Variants in SGCD observed in about 807,000 individuals in gnomAD.
SGCD encodes delta-sarcoglycan.
A neutral mutation model predicts 36.6 loss-of-function variants in SGCD; 18 were observed. That is an observed-to-expected ratio of 0.49 (90% CI 0.34 to 0.73). The LOEUF is 0.73. Among genes scored for constraint, SGCD ranks in the 30% least tolerant of loss-of-function variants. The pLI is 0.01. For synonymous variants in SGCD, 133 were observed against 130.6 expected (o/e 1.02, Z -0.12); for missense variants, 387 against 346.7 (o/e 1.12, Z -0.92).
intron 3 of SGCD, among the ~76,000 whole-genome samples, chr5:156,440,409 A>G (rs578119695): frequency 2.1e-4 from 32 of 152,312 alleles, no homozygotes; most frequent in Non-Finnish European, 2.2e-4. Flanking sequence ...GCTATTATAA[A>G]TAATGCTGCG....
chr5:156,259,536 G>A (rs1765799686), intron 3 of SGCD, among the ~76,000 whole-genome samples: 1 of 151,404 alleles, frequency 6.6e-6, no homozygotes, highest in Admixed American at 6.6e-5. Flanking sequence ...ATATATTCTT[G>A]TTCATTTTTT....
intron 7 of SGCD, among the ~76,000 whole-genome samples, chr5:156,672,288 C>T (rs1753329434): frequency 6.6e-6 from 1 of 152,122 alleles, no homozygotes; most frequent in Non-Finnish European, 1.5e-5. Context: ...GCACTGTTAC[C>T]CTCAGCTGTC....
At chr5:155,864,176 T>C in the SGCD span, among the ~76,000 whole-genome samples, 2 of 152,092 alleles carry the variant, frequency 1.3e-5, no homozygotes, top group African/African-American at 4.8e-5. Flanking sequence ...AAAGGTCTGG[T>C]GTGTCAGGAG....
the SGCD span, among the ~76,000 whole-genome samples, chr5:155,763,024 T>C: frequency 4.6e-5 from 7 of 152,190 alleles, no homozygotes; most frequent in South Asian, 2.1e-4. Flanking sequence ...AAAGACAATA[T>C]GCTGAGAGCA....
chr5:156,460,280 A>G (rs917683446), intron 3 of SGCD, among the ~76,000 whole-genome samples: 2 of 152,174 alleles, frequency 1.3e-5, no homozygotes, highest in African/African-American at 2.4e-5. Flanking sequence ...GACCAAAACC[A>G]CATTAAGTCT....
intron 6 of SGCD, among the ~76,000 whole-genome samples, chr5:156,636,035 TA>T (rs372020082): frequency 2.5e-3 from 365 of 148,060 alleles, no homozygotes; most frequent in African/African-American, 6.9e-3. Context: ...TAAAGTGTAA[TA>T]AAAAAAAAAT....
At chr5:156,651,514 A>T (rs547350059) in intron 7 of SGCD, among the ~76,000 whole-genome samples, 1 of 152,264 alleles carries the variant, frequency 6.6e-6, no homozygotes, top group South Asian at 2.1e-4. Context: ...ATTCTTCTGC[A>T]TGTGATTAGC....
chr5:156,404,717 G>A (rs1413548351), intron 3 of SGCD, among the ~76,000 whole-genome samples: 2 of 152,070 alleles, frequency 1.3e-5, no homozygotes, highest in East Asian at 3.9e-4. Flanking sequence ...TGGGTTTGCT[G>A]TAACAACTGA....
the SGCD span, among the ~76,000 whole-genome samples, chr5:155,828,691 T>C: frequency 6.6e-6 from 1 of 151,786 alleles, no homozygotes; most frequent in Non-Finnish European, 1.5e-5. Context: ...TTTTTTTTTA[T>C]ATTTTATTTT....
intron 3 of SGCD, among the ~76,000 whole-genome samples, chr5:156,172,148 G>A (rs1389506818): frequency 6.6e-6 from 1 of 152,174 alleles, no homozygotes; most frequent in Non-Finnish European, 1.5e-5. Context: ...GCTGGGCATG[G>A]TGGCAGATGC....
At chr5:155,859,329 A>T in the SGCD span, among the ~76,000 whole-genome samples, 1 of 152,168 alleles carries the variant, frequency 6.6e-6, no homozygotes, top group East Asian at 1.9e-4. Context: ...GGCCTCCCAA[A>T]GTGCTGGGAT....
chr5:156,532,915 T>C (rs552752955), intron 4 of SGCD, among the ~76,000 whole-genome samples: 1 of 152,254 alleles, frequency 6.6e-6, no homozygotes, highest in African/African-American at 2.4e-5. Flanking sequence ...ATCACTTTGA[T>C]CTTCTATTTA....
At chr5:156,120,195 G>T (rs1285665977) in intron 2 of SGCD, among the ~76,000 whole-genome samples, 1 of 152,102 alleles carries the variant, frequency 6.6e-6, no homozygotes, top group Non-Finnish European at 1.5e-5. Context: ...AGTGGAATTT[G>T]GTGAATACTT....
intron 3 of SGCD, among the ~76,000 whole-genome samples, chr5:156,261,229 A>G (rs1765852725): frequency 6.6e-6 from 1 of 152,190 alleles, no homozygotes; most frequent in African/African-American, 2.4e-5. Flanking sequence ...TGTGGATGTG[A>G]AAATATTTTT....
intron 3 of SGCD, among the ~76,000 whole-genome samples, chr5:156,345,654 G>A (rs1031515779): frequency 2.0e-5 from 3 of 151,986 alleles, no homozygotes; most frequent in East Asian, 1.9e-4. Context: ...AGCAAGACCC[G>A]ATCTTTGCAA....
At chr5:156,133,552 A>G (rs938151566) in intron 3 of SGCD, among the ~76,000 whole-genome samples, 1 of 152,164 alleles carries the variant, frequency 6.6e-6, no homozygotes, top group African/African-American at 2.4e-5. Context: ...TGATCTTTGC[A>G]TTGGGCCCTT....
chr5:156,391,197 AG>A (rs1256861916), intron 3 of SGCD, among the ~76,000 whole-genome samples: 1 of 152,250 alleles, frequency 6.6e-6, no homozygotes, highest in Non-Finnish European at 1.5e-5. Flanking sequence ...ATTGCATCAC[AG>A]TTGCCTACTG....
At chr5:156,191,855 A>G (rs1403087608) in intron 3 of SGCD, among the ~76,000 whole-genome samples, 1 of 152,178 alleles carries the variant, frequency 6.6e-6, no homozygotes, top group African/African-American at 2.4e-5. Context: ...AGCAGCCACT[A>G]GAGAGGTTTG....
At chr5:155,742,973 A>G in the SGCD span, among the ~76,000 whole-genome samples, 2 of 152,198 alleles carry the variant, frequency 1.3e-5, no homozygotes, top group Non-Finnish European at 2.9e-5. Context: ...AGCCAGATGT[A>G]AGAGATACAT....
Sources: allele counts gnomAD v4.1 joint callset (sites outside exome capture counted in the v4.1 genomes callset), GRCh38; gene constraint gnomAD v4.1.1; transcripts MANE v1.5; gene names NCBI Gene and HGNC (gene_info 2026-07-23, HGNC 2026-07-21).